Variants in TANK observed in about 807,000 individuals in gnomAD.
The protein encoded by TANK is TRAF family member-associated NF-kappa-B activator.
A neutral mutation model predicts 43.6 loss-of-function variants in TANK; 15 were observed. That is an observed-to-expected ratio of 0.34 (90% CI 0.23 to 0.53). The LOEUF is 0.53. Among genes scored for constraint, TANK ranks in the 20% least tolerant of loss-of-function variants. TANK has a pLI of 0.94. For synonymous variants in TANK, 162 were observed against 178.2 expected, an observed-to-expected ratio of 0.91 and a Z score of 0.73; for missense variants, 417 against 498.6, an observed-to-expected ratio of 0.84 and a Z score of 1.56.
upstream of TANK, among the ~76,000 whole-genome samples, chr2:161,155,789 T>C (rs1573953975): frequency 6.6e-6 from 1 of 152,330 alleles, no homozygotes; most frequent in Middle Eastern, 3.4e-3. Context: ...TACCATATAT[T>C]ACCCCTAATG....
intron 1 of TANK, chr2:161,139,855 G>T: frequency 4.1e-6 from 4 of 985,384 alleles, no homozygotes; most frequent in Non-Finnish European, 4.8e-6. Context: ...TTCCTATTAT[G>T]ACAGTGCTAG....
intron 6 of TANK, among the ~76,000 whole-genome samples, chr2:161,228,778 A>AT (rs559934697): frequency 1.8e-4 from 27 of 152,178 alleles, no homozygotes; most frequent in African/African-American, 6.3e-4. Flanking sequence ...AGGCATACCC[A>AT]TTTTTTATCT....
intron 2 of TANK, among the ~76,000 whole-genome samples, chr2:161,198,119 A>T (rs1410166018): frequency 6.6e-6 from 1 of 152,200 alleles, no homozygotes; most frequent in Non-Finnish European, 1.5e-5. Flanking sequence ...AGCCTATGAA[A>T]TTATACAGTT....
At chr2:161,194,291 A>AG (rs1339987380) in intron 2 of TANK, among the ~76,000 whole-genome samples, 1 of 152,066 alleles carries the variant, frequency 6.6e-6, no homozygotes, top group Non-Finnish European at 1.5e-5. Context: ...TGTTGAGAAG[A>AG]GAAATTTGAA....
chr2:161,144,873 ATCTG>A (rs1219761657), intron 1 of TANK, among the ~76,000 whole-genome samples: 2 of 152,110 alleles, frequency 1.3e-5, no homozygotes, highest in African/African-American at 4.8e-5. Context: ...TATCTCGTTG[ATCTG>A]TCTAATATTG....
At chr2:161,154,778 TCTGTTG>T (rs1684178394) in intron 1 of TANK, among the ~76,000 whole-genome samples, 1 of 151,494 alleles carries the variant, frequency 6.6e-6, no homozygotes, top group Admixed American at 6.6e-5. Context: ...AGAGTCTCAC[TCTGTTG>T]CCCAGGCTGG....
intron 1 of TANK, chr2:161,161,368 T>TG: frequency 6.4e-7 from 1 of 1,550,720 alleles, no homozygotes; most frequent in South Asian, 1.2e-5. Flanking sequence ...GAAAAGAAAA[T>TG]GACCTGCCTT....
At chr2:161,229,541 TA>T (rs1687804465) in intron 6 of TANK, among the ~76,000 whole-genome samples, 1 of 151,888 alleles carries the variant, frequency 6.6e-6, no homozygotes, top group Admixed American at 6.6e-5. Context: ...TGAAGAGAGG[TA>T]TAAAGAGAGG....
chr2:161,161,506 C>G lies in TANK; in HGVS notation c.-50+1020C>G, dbSNP rs376524521. On this transcript the variant is annotated intron_variant, in intron 1 of 7. Transcript: ENST00000392749. The stretch of plus-strand genomic sequence containing the variant: ...TCAAATAATACAACTATGTGCAAAG[C>G]AGGAAGTGAAATCCTTCTCAGTCCT... 723 of 1,506,602 alleles carry G rather than the reference C, an allele frequency of 4.8e-4. 5 individuals are homozygous for G. In the African/African-American group the frequency reaches 8.8e-3, roughly 18 times the overall value. 93.3% of individuals were successfully genotyped at this position (1,506,602 alleles called of 1,614,324 possible).
chr2:161,155,742 A>G (rs371170083), upstream of TANK, among the ~76,000 whole-genome samples: 11 of 152,270 alleles, frequency 7.2e-5, no homozygotes, highest in East Asian at 1.9e-3. Flanking sequence ...TCACCCTCTC[A>G]AGGCTGGATG....
chr2:161,224,045 A>G (rs1237403014), intron 5 of TANK, 54 bp downstream of exon 5: 1 of 1,190,076 alleles, frequency 8.4e-7, no homozygotes, highest in Non-Finnish European at 1.2e-6. Flanking sequence ...ACTGAAATAT[A>G]TTTTATATTT....
chr2:161,201,228 T>C, intron 2 of TANK: 2 of 978,170 alleles, frequency 2.0e-6, no homozygotes, highest in Non-Finnish European at 2.4e-6. Context: ...TAGTTAAAAC[T>C]TCAATTTGAA....
upstream of TANK, chr2:161,160,377 C>G: frequency 8.3e-7 from 1 of 1,210,888 alleles, no homozygotes; most frequent in Non-Finnish European, 1.0e-6. Context: ...TGGCTCCGCG[C>G]GCAGGCACTG....
intron 4 of TANK, chr2:161,207,611 A>G: frequency 1.0e-6 from 1 of 985,424 alleles, no homozygotes; most frequent in Non-Finnish European, 1.2e-6. Context: ...TTAGTGTAAA[A>G]AATTAGGCCT....
At chr2:161,157,624 T>A (rs893173848), upstream of TANK, among the ~76,000 whole-genome samples, 9 of 152,242 alleles carry the variant, frequency 5.9e-5, no homozygotes, top group African/African-American at 1.9e-4. Flanking sequence ...ATTGCCAGGT[T>A]TCCTTGTCCT....
At chr2:161,232,890 G>A in intron 7 of TANK, 1 of 1,527,968 alleles carries the variant, frequency 6.5e-7, no homozygotes. Context: ...CAAGACATGG[G>A]GCATAAGGTT....
chr2:161,203,333 A>G (rs186617189), intron 2 of TANK, 154 bp from the exon 3 acceptor site: 6 of 551,530 alleles, frequency 1.1e-5, no homozygotes, highest in East Asian at 6.1e-5. Flanking sequence ...AACAATTACA[A>G]GTACATTCCT....
chr2:161,199,897 T>C (rs1346812404), intron 2 of TANK, among the ~76,000 whole-genome samples: 1 of 151,802 alleles, frequency 6.6e-6, no homozygotes, highest in African/African-American at 2.4e-5. Flanking sequence ...AACATAATAA[T>C]AAAATAAAAA....
At chr2:161,213,328 C>T (rs564296359) in intron 4 of TANK, among the ~76,000 whole-genome samples, 7 of 152,238 alleles carry the variant, frequency 4.6e-5, no homozygotes, top group African/African-American at 1.7e-4. Context: ...TCTGGCTGGG[C>T]GCAGTGGCTC....
Sources: allele counts gnomAD v4.1 joint callset (sites outside exome capture counted in the v4.1 genomes callset), GRCh38; gene constraint gnomAD v4.1.1; transcripts MANE v1.5; gene names NCBI Gene and HGNC (gene_info 2026-07-23, HGNC 2026-07-21).